ADGRL2: variants seen among roughly 807,000 people sequenced by gnomAD.
ADGRL2 encodes adhesion G protein-coupled receptor L2, also known as calcium-independent alpha-latrotoxin receptor 2.
A neutral mutation model predicts 157.4 loss-of-function variants in ADGRL2; 44 were observed. That is an observed-to-expected ratio of 0.28 (90% CI 0.22 to 0.36). ADGRL2 has a LOEUF of 0.36. ADGRL2 is among the 10% of genes least tolerant of loss of function. The pLI, the probability that ADGRL2 is intolerant of heterozygous loss-of-function variation, is 1.00. For missense variants in ADGRL2, 1,510 were observed against 1,768.9 expected, an observed-to-expected ratio of 0.85 and a Z score of 2.63; for synonymous variants, 585 against 624.7, an observed-to-expected ratio of 0.94 and a Z score of 0.95.
intron 4 of ADGRL2, among the ~76,000 whole-genome samples, chr1:81,939,156 G>T (rs2095352038): frequency 6.6e-6 from 1 of 151,458 alleles, no homozygotes; most frequent in African/African-American, 2.4e-5. Flanking sequence ...AAAGAAATTT[G>T]CTCAACAGAG....
At chr1:81,818,396 T>A (rs556354646) in intron 1 of ADGRL2, among the ~76,000 whole-genome samples, 1 of 152,180 alleles carries the variant, frequency 6.6e-6, no homozygotes, top group Non-Finnish European at 1.5e-5. Context: ...GTTTCCTACA[T>A]TGCCACAGAG....
intron 1 of ADGRL2, among the ~76,000 whole-genome samples, chr1:81,397,936 G>A (rs918947026): frequency 1.3e-5 from 2 of 152,078 alleles, no homozygotes; most frequent in Non-Finnish European, 2.9e-5. Flanking sequence ...GACTATTATT[G>A]TACTCTAATC....
At chr1:81,699,010 T>G (rs909050906), upstream of ADGRL2, among the ~76,000 whole-genome samples, 3 of 152,198 alleles carry the variant, frequency 2.0e-5, no homozygotes, top group African/African-American at 7.2e-5. Flanking sequence ...TCCTTTTCTC[T>G]TTAGAAGAAG....
intron 2 of ADGRL2, among the ~76,000 whole-genome samples, chr1:81,892,841 G>A (rs2094298947): frequency 1.3e-5 from 2 of 152,118 alleles, no homozygotes; most frequent in South Asian, 4.1e-4. Flanking sequence ...AATGGACCAT[G>A]GGAACACTAG....
intron 1 of ADGRL2, among the ~76,000 whole-genome samples, chr1:81,372,131 T>C (rs1465956502): frequency 6.6e-6 from 1 of 152,216 alleles, no homozygotes; most frequent in East Asian, 1.9e-4. Flanking sequence ...AGGAGGTCAT[T>C]CTCAAGTCTG....
chr1:81,327,693 G>C (rs1166791695), intron 1 of ADGRL2, among the ~76,000 whole-genome samples: 1 of 152,000 alleles, frequency 6.6e-6, no homozygotes, highest in African/African-American at 2.4e-5. Context: ...ATTCTTCTTG[G>C]CATTTGAAGA....
At chr1:81,792,254 C>T (rs1437720744) in intron 2 of ADGRL2, among the ~76,000 whole-genome samples, 1 of 152,164 alleles carries the variant, frequency 6.6e-6, no homozygotes, top group East Asian at 1.9e-4. Flanking sequence ...TTTCCCCTGA[C>T]ATTAAATTAT....
chr1:81,323,058 A>G (rs899284627), intron 1 of ADGRL2, among the ~76,000 whole-genome samples: 4 of 151,802 alleles, frequency 2.6e-5, no homozygotes, highest in African/African-American at 7.3e-5. Flanking sequence ...GGGTTTCGCT[A>G]TGTTGCCCAG....
chr1:81,352,740 A>G lies in ADGRL2; in HGVS notation c.-302+46231A>G, dbSNP rs574160291. 6.6e-5 allele frequency among the ~76,000 whole-genome samples: 10 copies of G among 152,250 alleles called. No homozygotes were observed. The South Asian group carries it at 2.1e-3, about 32-fold the overall frequency. ...TCACAGCCATTCTTTTTAGTCATCTAAACACTTTTGATGTAGAAGGGAGAC... is the reference window on the plus strand; with the variant it reads ...TCACAGCCATTCTTTTTAGTCATCTGAACACTTTTGATGTAGAAGGGAGAC... On this transcript the variant is annotated intron_variant, in intron 1 of 24. Coordinates refer to the ADGRL2 transcript ENST00000370721.
At chr1:81,373,814 T>C (rs1430511597) in intron 1 of ADGRL2, among the ~76,000 whole-genome samples, 2 of 152,164 alleles carry the variant, frequency 1.3e-5, no homozygotes, top group African/African-American at 4.8e-5. Flanking sequence ...GCCACCAAAA[T>C]TGCAGATGAT....
rs572851422 is a variant in ADGRL2, at chr1:81,978,463, A to G, written c.3022-1406A>G. On this transcript the variant is annotated intron_variant, in intron 17 of 23. Coordinates refer to ENST00000686636, the MANE Select transcript of ADGRL2 (RefSeq NM_001366006.2). ...AAAGCACTGTTTTTGTCCTTAAGTA[A>G]TTAACATCAAAGGACAGAATGTTAC... Among the ~76,000 whole-genome samples, 5 of 151,836 alleles carry G rather than the reference A, an allele frequency of 3.3e-5. No homozygotes were observed. The South Asian group carries it at 8.3e-4, about 25-fold the overall frequency.
At chr1:81,651,723 G>T (rs1327529800) in intron 3 of ADGRL2, among the ~76,000 whole-genome samples, 1 of 151,986 alleles carries the variant, frequency 6.6e-6, no homozygotes, top group Non-Finnish European at 1.5e-5. Context: ...AGGAGATTTT[G>T]TTTGTTTGTT....
intron 11 of ADGRL2, among the ~76,000 whole-genome samples, chr1:81,956,297 T>C (rs886795710): frequency 2.0e-5 from 3 of 152,188 alleles, no homozygotes; most frequent in African/African-American, 7.2e-5. Flanking sequence ...AGTTGAAAAA[T>C]CATTAACAAA....
chr1:81,475,698 C>G (rs746552050), intron 2 of ADGRL2, among the ~76,000 whole-genome samples: 1 of 151,868 alleles, frequency 6.6e-6, no homozygotes, highest in Non-Finnish European at 1.5e-5. Context: ...CAGAGAAGTA[C>G]AAAAGACAAG....
At chr1:81,352,849 A>G (rs1197383010) in intron 1 of ADGRL2, among the ~76,000 whole-genome samples, 1 of 152,188 alleles carries the variant, frequency 6.6e-6, no homozygotes, top group Non-Finnish European at 1.5e-5. Context: ...TAGTAGAGTC[A>G]GTTAACTCAC....
intron 2 of ADGRL2, among the ~76,000 whole-genome samples, chr1:81,501,021 A>C (rs879768876): frequency 6.6e-6 from 1 of 152,202 alleles, no homozygotes; most frequent in Non-Finnish European, 1.5e-5. Context: ...TAATATGTTC[A>C]AGCCAAGTCA....
At chr1:81,434,082 C>G (rs530625413) in intron 1 of ADGRL2, among the ~76,000 whole-genome samples, 3 of 152,300 alleles carry the variant, frequency 2.0e-5, no homozygotes, top group East Asian at 3.9e-4. Flanking sequence ...TATGCTATCT[C>G]TTCTGCCCCA....
At chr1:81,673,553 C>T (rs545697650) in intron 3 of ADGRL2, among the ~76,000 whole-genome samples, 107 of 135,536 alleles carry the variant, frequency 7.9e-4, no homozygotes, top group Non-Finnish European at 1.0e-3. Flanking sequence ...CTCACTCTGT[C>T]GCCCAGACTG....
In ADGRL2 at chr1:81,789,856, C is replaced by T. The variant is rs146445607; in HGVS notation, c.-101+28004C>T. 1.5e-3 allele frequency among the ~76,000 whole-genome samples: 226 copies of T among 152,024 alleles called. 1 individual carries two copies. Among genetic ancestry groups the T allele is most frequent in the African/African-American group, 4.9e-3 (205 of 41,470 alleles). On this transcript the variant is annotated intron_variant, in intron 2 of 20. Coordinates refer to the ADGRL2 transcript ENST00000359929. ...TATTAATAAAAAAATTTCTGGTGAT[C>T]TGGCAGGGAAAAATTGGTTAAAAAG...
Sources: allele counts gnomAD v4.1 joint callset (sites outside exome capture counted in the v4.1 genomes callset), GRCh38; gene constraint gnomAD v4.1.1; transcripts MANE v1.5; gene names NCBI Gene and HGNC (gene_info 2026-07-23, HGNC 2026-07-21).